Variants in ASB3 observed in about 807,000 individuals in gnomAD.
ASB3 encodes ankyrin repeat and SOCS box containing 3, also known as ankyrin repeat and SOCS box protein 3.
A neutral mutation model predicts 54.5 loss-of-function variants in ASB3; 41 were observed. The ratio of observed to expected loss-of-function variants is 0.75; its 90% CI spans 0.59 to 0.98. ASB3 has a LOEUF of 0.98. Ranked by LOEUF, ASB3 falls within the 50% of genes least tolerant of loss-of-function variation. The pLI is 0.00. For synonymous variants in ASB3, 266 were observed against 221.2 expected (o/e 1.20, Z -1.80); for missense variants, 733 against 620.0 (o/e 1.18, Z -1.94).
chr2:53,675,521 T>C (rs1668038667), intron 9 of ASB3, among the ~76,000 whole-genome samples: 1 of 152,214 alleles, frequency 6.6e-6, no homozygotes, highest in Non-Finnish European at 1.5e-5. Context: ...TTTATTCTGA[T>C]ACATGGATGT....
chr2:53,670,737 T>C, intron 9 of ASB3, 47 bp from the exon 10 acceptor site: 1 of 1,568,286 alleles, frequency 6.4e-7, no homozygotes, highest in South Asian at 1.2e-5. Context: ...AACAGAAAGA[T>C]GTAATAGCAC....
intron 9 of ASB3, 55 bp from the exon 10 acceptor site, chr2:53,670,745 C>A: frequency 6.5e-7 from 1 of 1,540,102 alleles, no homozygotes; most frequent in Non-Finnish European, 8.7e-7. Context: ...GATGTAATAG[C>A]ACATAAAGGT....
intron 1 of ASB3, among the ~76,000 whole-genome samples, chr2:53,773,554 C>A (rs899645672): frequency 6.6e-6 from 1 of 152,086 alleles, no homozygotes; most frequent in Non-Finnish European, 1.5e-5. Flanking sequence ...CCTCAGCCTC[C>A]TGAGTAGCTG....
At chr2:53,671,695 G>GAGCAATTAATTTCCCTGTGAAAT (rs1553367660) in intron 9 of ASB3, among the ~76,000 whole-genome samples, 34 of 145,962 alleles carry the variant, frequency 2.3e-4, no homozygotes, top group Non-Finnish European at 3.8e-4. Flanking sequence ...GGAGGCGGAG[G>GAGCAATTAATTTCCCTGTGAAAT]TTGCAGTGAG....
intron 9 of ASB3, among the ~76,000 whole-genome samples, chr2:53,685,050 C>T (rs755978396): frequency 6.6e-6 from 1 of 152,040 alleles, no homozygotes; most frequent in East Asian, 1.9e-4. Context: ...TGGGACAGCA[C>T]GGGGAGGCAT....
intron 7 of ASB3, among the ~76,000 whole-genome samples, chr2:53,701,242 A>G (rs1289237967): frequency 6.6e-6 from 1 of 152,198 alleles, no homozygotes; most frequent in Non-Finnish European, 1.5e-5. Flanking sequence ...CCCAAAAGGT[A>G]TGCCACCGTG....
chr2:53,758,934 A>G (rs763664745), intron 2 of ASB3, among the ~76,000 whole-genome samples: 9 of 152,364 alleles, frequency 5.9e-5, no homozygotes, highest in Non-Finnish European at 1.3e-4. Flanking sequence ...GCAAATTAAA[A>G]TAGACCTAGG....
intron 3 of ASB3, among the ~76,000 whole-genome samples, chr2:53,739,902 G>T (rs926960540): frequency 6.6e-6 from 1 of 152,040 alleles, no homozygotes; most frequent in Non-Finnish European, 1.5e-5. Context: ...TTGAACTCAT[G>T]GGCTCAAGTG....
At chr2:53,718,588 C>A (rs1269790870) in intron 5 of ASB3, among the ~76,000 whole-genome samples, 1 of 151,974 alleles carries the variant, frequency 6.6e-6, no homozygotes, top group Non-Finnish European at 1.5e-5. Context: ...CCCAAAGACC[C>A]CATAATACAA....
chr2:53,780,768 A>G (rs1478426808), intron 1 of ASB3, among the ~76,000 whole-genome samples: 1 of 152,144 alleles, frequency 6.6e-6, no homozygotes, highest in Non-Finnish European at 1.5e-5. Context: ...ACACAGCAAT[A>G]CTCTGTCTCT....
At chr2:53,706,497 G>A (rs1415815321) in intron 7 of ASB3, among the ~76,000 whole-genome samples, 3 of 151,854 alleles carry the variant, frequency 2.0e-5, no homozygotes, top group African/African-American at 4.8e-5. Context: ...ATGGAGTGGA[G>A]TGCAGTGGCG....
At chr2:53,697,744 C>G (rs958678090) in intron 8 of ASB3, among the ~76,000 whole-genome samples, 2 of 152,128 alleles carry the variant, frequency 1.3e-5, no homozygotes, top group Non-Finnish European at 2.9e-5. Flanking sequence ...AGAGGATTAC[C>G]TTGAGACTCC....
chr2:53,767,970 C>T, intron 1 of ASB3: 1 of 1,614,158 alleles, frequency 6.2e-7, no homozygotes, highest in Non-Finnish European at 8.5e-7. Context: ...TCACCAACTA[C>T]AGCAGGCGCT....
chr2:53,742,773 A>C (rs1044866681), intron 3 of ASB3, among the ~76,000 whole-genome samples: 4 of 152,252 alleles, frequency 2.6e-5, no homozygotes, highest in African/African-American at 9.6e-5. Flanking sequence ...AACACAGAGA[A>C]AGAAAAATAG....
intron 8 of ASB3, among the ~76,000 whole-genome samples, chr2:53,696,419 G>A (rs1269544279): frequency 6.6e-6 from 1 of 152,040 alleles, no homozygotes; most frequent in Non-Finnish European, 1.5e-5. Flanking sequence ...ATTGGGAAAG[G>A]GGGGATAAAT....
intron 5 of ASB3, among the ~76,000 whole-genome samples, chr2:53,727,671 T>C (rs1201639078): frequency 1.3e-5 from 2 of 152,140 alleles, no homozygotes; most frequent in Non-Finnish European, 2.9e-5. Flanking sequence ...ACAAACTTTG[T>C]ATGATCTATT....
intron 2 of ASB3, among the ~76,000 whole-genome samples, chr2:53,751,764 T>C (rs968587730): frequency 1.3e-5 from 2 of 152,196 alleles, no homozygotes; most frequent in African/African-American, 4.8e-5. Context: ...TTCTTGTCAT[T>C]GTAACTCACT....
intron 5 of ASB3, among the ~76,000 whole-genome samples, chr2:53,718,292 T>A (rs1313182324): frequency 1.4e-5 from 2 of 140,376 alleles, no homozygotes; most frequent in African/African-American, 5.3e-5. Flanking sequence ...AAACGTCAGA[T>A]CACATACAAA....
rs779225958 is a variant in ASB3 at position 53,744,384 on chromosome 2, C to CAAAAAAAAAAAAAA, written c.355+6398_355+6399insTTTTTTTTTTTTTT. 1.0e-3 allele frequency among the ~76,000 whole-genome samples: 146 copies of CAAAAAAAAAAAAAA among 139,850 alleles called. 7 individuals carry two copies. The highest frequency in any genetic ancestry group is 3.7e-3 in the African/African-American group (131 of 35,446). 91.7% of individuals were successfully genotyped at this position (139,850 alleles called of 152,430 possible). On this transcript the variant is annotated intron_variant, in intron 3 of 9. Coordinates refer to ENST00000263634, the MANE Select transcript of ASB3 (RefSeq NM_016115.5). ...GGGCAGACAGAGCGAGACTCTGTCT[C>CAAAAAAAAAAAAAA]AAAAAAATAAATAAAAAAATTAAAA... is the stretch of plus-strand genomic sequence containing the variant.
Sources: allele counts gnomAD v4.1 joint callset (sites outside exome capture counted in the v4.1 genomes callset), GRCh38; gene constraint gnomAD v4.1.1; transcripts MANE v1.5; gene names NCBI Gene and HGNC (gene_info 2026-07-23, HGNC 2026-07-21).